Variants in ATP8A1 observed in about 807,000 individuals in gnomAD.
ATP8A1 encodes the protein ATPase phospholipid transporting 8A1, also known as phospholipid-transporting ATPase IA.
A neutral mutation model predicts 177.7 loss-of-function variants in ATP8A1; 90 were observed. The ratio of observed to expected loss-of-function variants is 0.51; its 90% CI spans 0.43 to 0.60. The LOEUF is 0.60. ATP8A1 is among the 20% of genes least tolerant of loss of function. The pLI, the probability that ATP8A1 is intolerant of heterozygous loss-of-function variation, is 0.00. For synonymous variants in ATP8A1, 493 were observed against 485.9 expected, an observed-to-expected ratio of 1.01 and a Z score of -0.19; for missense variants, 1,072 against 1,392.8, an observed-to-expected ratio of 0.77 and a Z score of 3.67.
At chr4:42,509,800 C>T (rs984939144) in intron 22 of ATP8A1, among the ~76,000 whole-genome samples, 3 of 140,568 alleles carry the variant, frequency 2.1e-5, no homozygotes, top group Non-Finnish European at 3.0e-5. Context: ...TGCGGTAAGC[C>T]GAGATCAAGC....
intron 24 of ATP8A1, among the ~76,000 whole-genome samples, chr4:42,501,643 A>G (rs141827469): frequency 5.3e-5 from 8 of 152,344 alleles, no homozygotes; most frequent in Non-Finnish European, 1.2e-4. Flanking sequence ...TTCCATTTCC[A>G]TATCAACGAA....
At chr4:42,639,082 C>T (rs1237695317) in intron 1 of ATP8A1, among the ~76,000 whole-genome samples, 2 of 152,078 alleles carry the variant, frequency 1.3e-5, no homozygotes, top group Admixed American at 6.5e-5. Flanking sequence ...TGCAGAAGCC[C>T]CAACAGCTGT....
chr4:42,526,292 A>G lies in ATP8A1; in HGVS notation c.1723-1445T>C, dbSNP rs1041859736. Among the ~76,000 whole-genome samples the G allele has an allele frequency of 1.1e-3, 160 of 152,328 alleles. 1 individual carries two copies. Among genetic ancestry groups the G allele is most frequent in the Non-Finnish European group, 1.6e-4 (11 of 68,034 alleles). On this transcript the variant is annotated intron_variant, in intron 20 of 36. Coordinates refer to ENST00000381668, the MANE Select transcript of ATP8A1 (RefSeq NM_006095.2). ...ACATGTATAGTATGTTTTTAAAATG[A>G]AAATGGGTCGGCTAGCCATGCCTAC...
intron 1 of ATP8A1, chr4:42,637,199 C>T (rs369146827): frequency 5.2e-5 from 27 of 518,838 alleles, no homozygotes; most frequent in African/African-American, 5.0e-4. Context: ...AACCACAGTG[C>T]AATTTTCCTG....
chr4:42,463,113 T>C (rs1719349312), intron 27 of ATP8A1, among the ~76,000 whole-genome samples: 1 of 152,216 alleles, frequency 6.6e-6, no homozygotes, highest in Non-Finnish European at 1.5e-5. Flanking sequence ...TGTGGACTTC[T>C]GAACTAATGC....
chr4:42,515,448 A>T (rs1377498296), intron 22 of ATP8A1, among the ~76,000 whole-genome samples: 1 of 152,200 alleles, frequency 6.6e-6, no homozygotes, highest in Non-Finnish European at 1.5e-5. Flanking sequence ...GGAATCCTCT[A>T]AACCATTTGT....
At chr4:42,578,097 G>A (rs1273916405) in intron 12 of ATP8A1, among the ~76,000 whole-genome samples, 163 bp downstream of exon 12, 1 of 152,134 alleles carries the variant, frequency 6.6e-6, no homozygotes, top group Non-Finnish European at 1.5e-5. Context: ...GTAAACTTGT[G>A]TGATTCTGAG....
intron 19 of ATP8A1, among the ~76,000 whole-genome samples, chr4:42,544,214 A>G (rs894388098): frequency 6.6e-6 from 1 of 152,222 alleles, no homozygotes; most frequent in African/African-American, 2.4e-5. Context: ...TTCTAGTGGA[A>G]TAGTTGACAA....
chr4:42,570,844 A>G (rs561306787), intron 14 of ATP8A1, among the ~76,000 whole-genome samples: 15 of 152,326 alleles, frequency 9.8e-5, no homozygotes, highest in African/African-American at 3.6e-4. Context: ...TTCTTAGGGC[A>G]TATTTCCTTG....
intron 16 of ATP8A1, 35 bp downstream of exon 16, chr4:42,555,933 C>A: frequency 7.0e-7 from 1 of 1,418,764 alleles, no homozygotes; most frequent in South Asian, 1.2e-5. Context: ...AGTTTTTATT[C>A]ACTAACAAAA....
At chr4:42,558,868 C>T (rs1730522741) in intron 15 of ATP8A1, among the ~76,000 whole-genome samples, 1 of 152,316 alleles carries the variant, frequency 6.6e-6, no homozygotes, top group South Asian at 2.1e-4. Context: ...CTAAATATTT[C>T]TGCATAGCAA....
In ATP8A1 at chr4:42,485,641, A is replaced by T. The variant is rs775197702; in HGVS notation, c.2179T>A (p.Cys727Ser). 1.2e-6 allele frequency: 2 copies of T among 1,611,436 alleles called. No individual in the cohort carries two copies. The highest frequency in any genetic ancestry group is 2.2e-5 in the South Asian group (2 of 90,270). ...DGTRETLSRH[C>S]TTLGDALRKE... ...CGGAGAGCATCACCAAGGGTAGTAC[A>T]GTGACGACTGAGAGTTTCCCTTGTT... Residue 727 changes from cysteine to serine, a missense_variant, in exon 25 of 37, where the codon TGT (cysteine) becomes AGT (serine). By Grantham distance (112) the Cys-to-Ser change is moderately radical (BLOSUM62 -1). This residue lies in a region of ATP8A1 where 388 missense variants were observed against 471.7 expected (regional missense o/e 0.82). Transcript: ENST00000381668.
intron 22 of ATP8A1, among the ~76,000 whole-genome samples, chr4:42,517,070 G>C (rs182300951): frequency 5.6e-4 from 84 of 149,140 alleles, no homozygotes; most frequent in South Asian, 2.5e-3. Context: ...GGAGGCCAAG[G>C]GGGGGTGGAT....
intron 1 of ATP8A1, among the ~76,000 whole-genome samples, chr4:42,640,092 C>T (rs1174291100): frequency 6.6e-6 from 1 of 152,170 alleles, no homozygotes; most frequent in African/African-American, 2.4e-5. Flanking sequence ...GCCACCTGCA[C>T]TCTCCCAGTG....
At chr4:42,568,365 A>T (rs1731562926) in intron 15 of ATP8A1, among the ~76,000 whole-genome samples, 1 of 152,224 alleles carries the variant, frequency 6.6e-6, no homozygotes, top group South Asian at 2.1e-4. Flanking sequence ...GTAATATGAA[A>T]ATAAAAATGG....
intron 35 of ATP8A1, among the ~76,000 whole-genome samples, chr4:42,416,720 G>A (rs1713284414): frequency 1.3e-5 from 2 of 152,088 alleles, no homozygotes; most frequent in Non-Finnish European, 2.9e-5. Flanking sequence ...TATATCAGGA[G>A]GGCAGTACTT....
chr4:42,460,709 C>A (rs866124717), intron 27 of ATP8A1, among the ~76,000 whole-genome samples: 28 of 152,096 alleles, frequency 1.8e-4, no homozygotes. Context: ...TTTTGACAGA[C>A]GTGTAGAAAC....
chr4:42,468,787 C>T (rs1007993104), intron 25 of ATP8A1, among the ~76,000 whole-genome samples: 2 of 152,068 alleles, frequency 1.3e-5, no homozygotes, highest in Non-Finnish European at 2.9e-5. Context: ...CCAAATACTA[C>T]CTGTTCCCTC....
rs190902894 is a variant in ATP8A1, at chr4:42,493,913, C to T, written c.2152-8245G>A. Among the ~76,000 whole-genome samples the T allele has an allele frequency of 4.6e-5, 7 of 151,442 alleles. No individual in the cohort carries two copies. In the East Asian group the frequency reaches 7.7e-4, roughly 17 times the overall value. The stretch of plus-strand genomic sequence containing the variant: ...ATCAGGTCTAACAAAGGTACTAACA[C>T]GAAACGCGCCAGGTCCGGTGGCTCC... On this transcript the variant is annotated intron_variant, in intron 24 of 36. Transcript: ENST00000381668.
Sources: allele counts gnomAD v4.1 joint callset (sites outside exome capture counted in the v4.1 genomes callset), GRCh38; gene constraint gnomAD v4.1.1; regional missense constraint gnomAD v4.1.1; transcripts MANE v1.5; gene names NCBI Gene and HGNC (gene_info 2026-07-23, HGNC 2026-07-21).